The following DOCK8 variants were observed in gnomAD, a reference collection of about 807,000 sequenced individuals.
The protein encoded by DOCK8 is dedicator of cytokinesis 8.
A neutral mutation model predicts 245.6 loss-of-function variants in DOCK8; 141 were observed. The observed-to-expected ratio is 0.57, with a 90% CI of 0.50 to 0.66. DOCK8 has a LOEUF of 0.66. Among genes scored for constraint, DOCK8 ranks in the 30% least tolerant of loss-of-function variants. The pLI is 0.00. For synonymous variants in DOCK8, 1,168 were observed against 970.2 expected, an observed-to-expected ratio of 1.20 and a Z score of -3.79; for missense variants, 2,965 against 2,603.4, an observed-to-expected ratio of 1.14 and a Z score of -3.02.
rs139289534 is a variant in DOCK8 at position 407,020 on chromosome 9, G to A, written c.3481G>A (p.Gly1161Arg). 4.3e-6 allele frequency: 7 copies of A among 1,614,090 alleles called. No individual in the cohort carries two copies. Among genetic ancestry groups the A allele is most frequent in the Admixed American group, 3.3e-5 (2 of 60,016 alleles). Reference sequence around the variant, plus strand: ...GTACCGCCAGCAGCACTTCCTCACCGGGCTCCTCTTCACAGAACTGGCTGC... The same window carrying A: ...GTACCGCCAGCAGCACTTCCTCACCAGGCTCCTCTTCACAGAACTGGCTGC... ...SEYRQQHFLT[G>R]LLFTELAAAL... Residue 1161 changes from glycine (G) to arginine (R), a missense_variant, in exon 28 of 48, where the codon GGG becomes AGG. Transcript: ENST00000432829.
chr9:211,505 C>T (rs2046619596), upstream of DOCK8, among the ~76,000 whole-genome samples: 1 of 151,960 alleles, frequency 6.6e-6, no homozygotes, highest in Non-Finnish European at 1.5e-5. Flanking sequence ...AGGCTACAGG[C>T]AGTGAAGCCA....
intron 1 of DOCK8, among the ~76,000 whole-genome samples, chr9:218,230 A>G (rs947311580): frequency 6.6e-6 from 1 of 152,174 alleles, no homozygotes; most frequent in African/African-American, 2.4e-5. Context: ...TACTACTCAG[A>G]ATAGTGTAAA....
At chr9:370,674 T>C (rs533532355) in intron 16 of DOCK8, among the ~76,000 whole-genome samples, 2 of 152,304 alleles carry the variant, frequency 1.3e-5, no homozygotes, top group Admixed American at 1.3e-4. Flanking sequence ...CCGCTCCACT[T>C]GACACCTGCC....
At position 446,407 on chromosome 9, in the gene DOCK8, A is replaced by G; in HGVS notation, c.5618A>G (p.Asp1873Gly). Residue 1873 changes from aspartate (D) to glycine (G), a missense_variant, in exon 44 of 48, where the codon GAT (aspartate) becomes GGT (glycine). Coordinates refer to ENST00000432829, the MANE Select transcript of DOCK8 (RefSeq NM_203447.4). ...IQITFVEPYFDEYEMKDRVTY... is the reference protein window; with the variant it reads ...IQITFVEPYFGEYEMKDRVTY... ...ATCACTTTTGTGGAGCCCTACTTTG[A>G]TGAGTATGAGATGAAAGACAGGGTC... The G allele has an allele frequency of 6.2e-7, 1 of 1,614,138 alleles. No homozygotes were observed. Among genetic ancestry groups the G allele is most frequent in the Non-Finnish European group, 8.5e-7 (1 of 1,180,018 alleles).
intron 33 of DOCK8, 59 bp downstream of exon 33, chr9:422,194 G>T: frequency 6.9e-7 from 1 of 1,452,148 alleles, no homozygotes; most frequent in African/African-American, 1.4e-5. Context: ...ATTTTTCCCA[G>T]GCTGCTTGTA....
rs35853132 is a variant in DOCK8 at position 425,538 on chromosome 9, CAAAAAA to C, written c.4242-1332_4242-1327del. On this transcript the variant is annotated intron_variant, in intron 33 of 47. Transcript: ENST00000432829. ...TGGGCGACAGAGGGAGACTCCGTCT[CAAAAAA>C]AAAAAAAAAAAAAAGGATGATGAGG... Among the ~76,000 whole-genome samples the C allele has an allele frequency of 8.8e-4, 48 of 54,396 alleles. 3 individuals carry two copies. The highest frequency in any genetic ancestry group is 7.6e-4 in the South Asian group (1 of 1,322). The allele number at this position is 54,396 out of a possible 152,430, so 35.7% of individuals were successfully genotyped here. A position where few individuals can be genotyped will look rare whatever the true frequency, so the allele number is the denominator to read the frequency against.
intron 5 of DOCK8, among the ~76,000 whole-genome samples, chr9:310,399 G>A (rs2050044746): frequency 6.6e-6 from 1 of 152,072 alleles, no homozygotes. Flanking sequence ...TAACTTGTAG[G>A]GTCATTTGTA....
At chr9:364,332 T>C (rs991537469) in intron 14 of DOCK8, among the ~76,000 whole-genome samples, 5 of 152,074 alleles carry the variant, frequency 3.3e-5, no homozygotes, top group African/African-American at 1.2e-4. Flanking sequence ...ACATACAGTA[T>C]GATGAAAATG....
At chr9:400,036 A>G (rs1386265312) in intron 26 of DOCK8, among the ~76,000 whole-genome samples, 1 of 128,362 alleles carries the variant, frequency 7.8e-6, no homozygotes, top group African/African-American at 3.6e-5. Flanking sequence ...CACCATCACC[A>G]CCACCACCTC....
chr9:213,721 C>T (rs1435807909), upstream of DOCK8: 2 of 129,172 alleles, frequency 1.5e-5, no homozygotes, highest in East Asian at 4.7e-4. Context: ...AAAAATACTT[C>T]GCTTTGGTTG....
intron 26 of DOCK8, 146 bp downstream of exon 26, chr9:399,405 A>G (rs935209481): frequency 2.4e-5 from 17 of 695,872 alleles, no homozygotes; most frequent in Non-Finnish European, 4.2e-5. Flanking sequence ...CACGTCCCTC[A>G]TGTCTGTGCC....
chr9:429,006 C>T (rs865884414), intron 35 of DOCK8, among the ~76,000 whole-genome samples: 7 of 152,202 alleles, frequency 4.6e-5, no homozygotes, highest in East Asian at 1.9e-4. Flanking sequence ...CTCGCTCTAT[C>T]GCCCAGGCTG....
intron 45 of DOCK8, among the ~76,000 whole-genome samples, chr9:450,411 C>G (rs906430650): frequency 3.3e-5 from 5 of 152,136 alleles, no homozygotes; most frequent in African/African-American, 9.7e-5. Flanking sequence ...GACCTGGGAC[C>G]TGACTTCTTA....
At chr9:418,020 G>A (rs376245413) in intron 29 of DOCK8, 48 bp from the exon 30 acceptor site, 13 of 1,612,940 alleles carry the variant, frequency 8.1e-6, no homozygotes, top group Middle Eastern at 1.6e-4. Flanking sequence ...GGGGACATGG[G>A]GAAATGTCAT....
intron 7 of DOCK8, among the ~76,000 whole-genome samples, chr9:317,642 A>G (rs562616688): frequency 1.3e-5 from 2 of 152,274 alleles, no homozygotes; most frequent in East Asian, 3.9e-4. Context: ...CACAATGATA[A>G]ATGCAACTGA....
chr9:317,269 A>T (rs12350941), intron 7 of DOCK8, 141 bp downstream of exon 7: 2 of 738,272 alleles, frequency 2.7e-6, no homozygotes, highest in Non-Finnish European at 4.8e-6. Context: ...GAGTAGTAGA[A>T]AGGGCACGTT....
chr9:420,278 T>G, intron 30 of DOCK8, 123 bp from the exon 31 acceptor site: 1 of 1,037,644 alleles, frequency 9.6e-7, no homozygotes, highest in Non-Finnish European at 1.5e-6. Flanking sequence ...CTAGCAGTGA[T>G]GTACAGTCAT....
At chr9:297,504 A>G (rs191884849) in intron 4 of DOCK8, among the ~76,000 whole-genome samples, 36 of 152,336 alleles carry the variant, frequency 2.4e-4, no homozygotes, top group Non-Finnish European at 5.0e-4. Context: ...TCATTTTTCT[A>G]GCCATTGGCC....
intron 1 of DOCK8, among the ~76,000 whole-genome samples, chr9:222,692 A>T (rs1192378665): frequency 1.3e-5 from 2 of 152,318 alleles, no homozygotes; most frequent in South Asian, 2.1e-4. Context: ...TTTGCCTTAC[A>T]TGCAACCATA....
Sources: gnomAD v4.1 joint callset for allele counts (sites outside exome capture counted in the v4.1 genomes callset) on GRCh38, gnomAD v4.1.1 for gene constraint, MANE v1.5 for transcripts, NCBI Gene and HGNC (gene_info 2026-07-23, HGNC 2026-07-21) for gene names.